Variants in CRTC2 observed in about 807,000 individuals in gnomAD.
CRTC2 encodes CREB regulated transcription coactivator 2, also known as CREB-regulated transcription coactivator 2.
CRTC2 carries 25 observed loss-of-function variants against 70.9 expected under a neutral mutation model. That is an observed-to-expected ratio of 0.35 (90% CI 0.26 to 0.49). CRTC2 has a LOEUF of 0.49. Among genes scored for constraint, CRTC2 ranks in the 20% least tolerant of loss-of-function variants. CRTC2 has a pLI of 0.98. For missense variants in CRTC2, 737 were observed against 882.6 expected (o/e 0.83, Z 2.09); for synonymous variants, 330 against 364.1 (o/e 0.91, Z 1.07).
intron 11 of CRTC2, among the ~76,000 whole-genome samples, chr1:153,950,808 G>C (rs1314169713): frequency 6.6e-6 from 1 of 152,200 alleles, no homozygotes; most frequent in Non-Finnish European, 1.5e-5. Flanking sequence ...GACGGGACAA[G>C]ATAGAGGCAT....
At chr1:153,951,709 T>G in intron 10 of CRTC2, 43 bp from the exon 11 acceptor site, 1 of 1,601,318 alleles carries the variant, frequency 6.2e-7, no homozygotes, top group African/African-American at 1.3e-5. Flanking sequence ...ACATTACTGA[T>G]GGGAACTGAG....
intron 1 of CRTC2, 85 bp from the exon 2 acceptor site, chr1:153,955,251 A>G (rs1387596923): frequency 1.0e-6 from 1 of 998,388 alleles, no homozygotes; most frequent in African/African-American, 1.6e-5. Context: ...TGTCACCAGG[A>G]TATGCTGCTG....
rs752974063 is a variant in CRTC2 at position 153,952,664 on chromosome 1, A to C, written c.638-29T>G. The stretch of plus-strand genomic sequence containing the variant: ...GAAAGAGAAAGACTGGTGATGGGAG[A>C]GTTGGAGAAAGAGCCAGTAAGGCAG... On this transcript the variant is annotated intron_variant, in intron 7 of 13. Transcript: ENST00000368633. 5 of 1,613,362 alleles carry C rather than the reference A, an allele frequency of 3.1e-6. No homozygotes were observed. In the African/African-American group the frequency reaches 6.7e-5, roughly 22 times the overall value.
In CRTC2 at chr1:153,951,165, G is replaced by C. The variant is rs1178026858; in HGVS notation, c.1404+95C>G. On this transcript the variant is annotated intron_variant, in intron 11 of 13. Coordinates refer to ENST00000368633, the MANE Select transcript of CRTC2 (RefSeq NM_181715.3). ...AGAGGAATGGAAGGGGATGAGTATA[G>C]AGTAGGTATTTCAGGAAAGGAGGGT... The C allele has an allele frequency of 7.1e-6, 9 of 1,270,074 alleles. 1 individual carries two copies. The highest frequency in any genetic ancestry group is 1.0e-5 in the Non-Finnish European group (9 of 894,152). 78.7% of individuals were successfully genotyped at this position (1,270,074 alleles called of 1,614,324 possible).
At chr1:153,954,817 T>C (rs910848431) in intron 3 of CRTC2, 56 bp downstream of exon 3, 15 of 1,478,626 alleles carry the variant, frequency 1.0e-5, no homozygotes, top group African/African-American at 2.8e-5. Flanking sequence ...TATGAGTCCC[T>C]GAGGAACCCC....
At position 153,955,118 on chromosome 1, in the gene CRTC2, CATA is replaced by C. The variant is rs1680555479; in HGVS notation, c.199_201del (p.Tyr67del). The C allele has an allele frequency of 1.2e-6, 2 of 1,614,090 alleles. No individual in the cohort carries two copies. The highest frequency in any genetic ancestry group is 1.7e-6 in the Non-Finnish European group (2 of 1,179,952). ...TGGTTAACATTGGGCAGAGACCCAC[CATA>C]ATGAGAGCTCCTTGTGTATGCCAGT... On this transcript the variant is annotated inframe_deletion, in exon 2 of 14. Coordinates refer to ENST00000368633, the MANE Select transcript of CRTC2 (RefSeq NM_181715.3).
intron 1 of CRTC2, among the ~76,000 whole-genome samples, 198 bp from the exon 2 acceptor site, chr1:153,955,364 G>C (rs937319119): frequency 2.0e-5 from 3 of 151,410 alleles, no homozygotes; most frequent in African/African-American, 7.3e-5. Flanking sequence ...TCAGGAGATC[G>C]ACACCATCCT....
At chr1:153,948,842 C>T (rs1301335751) in intron 12 of CRTC2, 198 bp from the exon 13 acceptor site, 5 of 754,890 alleles carry the variant, frequency 6.6e-6, no homozygotes, top group Non-Finnish European at 9.2e-6. Flanking sequence ...ACCTGCTGGG[C>T]CAGAGCATGT....
chr1:153,955,210 C>T, intron 1 of CRTC2, 44 bp from the exon 2 acceptor site: 1 of 1,430,654 alleles, frequency 7.0e-7, no homozygotes, highest in Non-Finnish European at 9.8e-7. Context: ...GGGTCCTGAG[C>T]ACTATTTCCT....
chr1:153,951,706 T>C, intron 10 of CRTC2, 40 bp from the exon 11 acceptor site: 2 of 1,600,934 alleles, frequency 1.2e-6, no homozygotes, highest in Non-Finnish European at 1.7e-6. Flanking sequence ...CCAACATTAC[T>C]GATGGGAACT....
At chr1:153,954,576 C>G (rs10908557) in intron 3 of CRTC2, among the ~76,000 whole-genome samples, 44,874 of 152,082 alleles carry the variant, frequency 0.3, 6,824 homozygotes, top group Admixed American at 0.39. Flanking sequence ...ACTTAGAAAT[C>G]TGAGAAGAGA....
intron 3 of CRTC2, 73 bp from the exon 4 acceptor site, chr1:153,954,389 G>C: frequency 7.7e-5 from 77 of 1,004,516 alleles, no homozygotes; most frequent in Non-Finnish European, 1.1e-4. Context: ...GAACAATGAA[G>C]GCAGCAGATA....
intron 11 of CRTC2, among the ~76,000 whole-genome samples, chr1:153,949,790 C>T (rs571673251): frequency 1.5e-4 from 23 of 151,796 alleles, no homozygotes; most frequent in Middle Eastern, 3.4e-3. Context: ...TGGGAGGTTG[C>T]AGTGAGCCAA....
In CRTC2 at chr1:153,948,509, T is replaced by C. The variant is rs761194400; in HGVS notation, c.1810A>G (p.Asn604Asp). 9.3e-6 allele frequency: 15 copies of C among 1,611,980 alleles called. No individual in the cohort carries two copies. In the South Asian group the frequency reaches 1.5e-4, roughly 17 times the overall value. ...CCATGGCGGGAACAGTGGGTCAAGT[T>C]CTGGTGGTTGAAGGTGTGGGGATCC... ...PQDPHTFNHQ[N>D]LTHCSRHGSG... The change falls in exon 13 of 14, where the codon AAC (asparagine) becomes GAC (aspartate). Residue 604 changes from asparagine (N) to aspartate (D), a missense_variant. Coordinates refer to ENST00000368633, the MANE Select transcript of CRTC2 (RefSeq NM_181715.3).
chr1:153,952,370 T>C (rs1177820490), intron 9 of CRTC2, 27 bp downstream of exon 9: 1 of 1,613,254 alleles, frequency 6.2e-7, no homozygotes, highest in East Asian at 2.2e-5. Context: ...TTCCCCCACC[T>C]CTCAGCCAAC....
At chr1:153,957,036 G>T (rs1680653599) in intron 1 of CRTC2, among the ~76,000 whole-genome samples, 1 of 152,072 alleles carries the variant, frequency 6.6e-6, no homozygotes, top group Admixed American at 6.6e-5. Context: ...CTCCTAAAGG[G>T]GAGCAGTCTA....
intron 11 of CRTC2, 42 bp from the exon 12 acceptor site, chr1:153,949,426 T>C (rs773474617): frequency 6.5e-7 from 1 of 1,541,628 alleles, no homozygotes; most frequent in South Asian, 1.3e-5. Flanking sequence ...GCTCAGTGTA[T>C]ACCCCAAGAA....
chr1:153,952,512 C>T (rs1680385395), intron 8 of CRTC2, 59 bp downstream of exon 8: 6 of 1,612,264 alleles, frequency 3.7e-6, no homozygotes, highest in Admixed American at 1.7e-5. Context: ...GGAAGGCCTG[C>T]CCCATGGCAA....
At chr1:153,950,077 C>G (rs898907017) in intron 11 of CRTC2, among the ~76,000 whole-genome samples, 1 of 152,122 alleles carries the variant, frequency 6.6e-6, no homozygotes. Flanking sequence ...GGACTACAAG[C>G]GTGCGCGACT....
Sources: allele counts gnomAD v4.1 joint callset (sites outside exome capture counted in the v4.1 genomes callset), GRCh38; gene constraint gnomAD v4.1.1; transcripts MANE v1.5; gene names NCBI Gene and HGNC (gene_info 2026-07-23, HGNC 2026-07-21).